The following VPS9D1 variants were observed in gnomAD, a reference collection of about 807,000 sequenced individuals.
VPS9D1 encodes VPS9 domain-containing protein 1.
In VPS9D1, 78 loss-of-function variants were observed where a neutral mutation model predicts 75.8. The observed-to-expected ratio is 1.03, with a 90% CI of 0.86 to 1.24. The LOEUF (loss-of-function observed/expected upper bound fraction) is 1.24. Among genes scored for constraint, VPS9D1 ranks in the 50% most tolerant of loss-of-function variants. VPS9D1 has a pLI of 0.00. For missense variants in VPS9D1, 1,057 were observed against 847.7 expected (o/e 1.25, Z -3.07); for synonymous variants, 481 against 385.6 (o/e 1.25, Z -2.90).
At chr16:89,715,454 C>T (rs910264809) in intron 4 of VPS9D1, among the ~76,000 whole-genome samples, 2 of 151,854 alleles carry the variant, frequency 1.3e-5, no homozygotes, top group African/African-American at 4.8e-5. Flanking sequence ...TCTCGATCTC[C>T]TGACCTCATG....
intron 7 of VPS9D1, 33 bp downstream of exon 7, chr16:89,712,014 C>A: frequency 3.2e-6 from 5 of 1,549,244 alleles, no homozygotes; most frequent in Non-Finnish European, 4.4e-6. Context: ...AGGCCCTCCC[C>A]GCAGCGGCCC....
chr16:89,712,279 G>C, intron 6 of VPS9D1, 180 bp from the exon 7 acceptor site: 1 of 1,317,752 alleles, frequency 7.6e-7, no homozygotes, highest in Non-Finnish European at 1.0e-6. Flanking sequence ...CCGGGCCAGA[G>C]AACATGGGGG....
intron 8 of VPS9D1, 48 bp from the exon 9 acceptor site, chr16:89,711,460 C>G: frequency 1.3e-6 from 2 of 1,521,724 alleles, no homozygotes; most frequent in Non-Finnish European, 1.8e-6. Context: ...TCCGCCACGA[C>G]CGGACGCGCC....
intron 9 of VPS9D1, 51 bp downstream of exon 9, chr16:89,711,276 G>A (rs1411036034): frequency 2.6e-6 from 4 of 1,549,694 alleles, no homozygotes; most frequent in Non-Finnish European, 3.5e-6. Flanking sequence ...CCAGGCAGAG[G>A]TGCCCAAGGC....
chr16:89,717,136 G>A (rs2061092370), intron 2 of VPS9D1, among the ~76,000 whole-genome samples: 1 of 132,068 alleles, frequency 7.6e-6, no homozygotes, highest in Non-Finnish European at 1.6e-5. Flanking sequence ...CTGACCCCGG[G>A]CAAGCCGACT....
At chr16:89,709,617 C>T (rs1020049108) in intron 11 of VPS9D1, among the ~76,000 whole-genome samples, 160 bp downstream of exon 11, 1 of 152,080 alleles carries the variant, frequency 6.6e-6, no homozygotes, top group Admixed American at 6.5e-5. Flanking sequence ...AACTGGAAGC[C>T]CCTGAGGATG....
chr16:89,710,290 C>T (rs2060885379), intron 10 of VPS9D1, among the ~76,000 whole-genome samples: 1 of 152,176 alleles, frequency 6.6e-6, no homozygotes, highest in African/African-American at 2.4e-5. Flanking sequence ...CTCAGTGGTT[C>T]TTAGAAAACT....
At chr16:89,708,831 C>A (rs763256466) in intron 13 of VPS9D1, 26 bp downstream of exon 13, 21 of 1,560,348 alleles carry the variant, frequency 1.3e-5, no homozygotes, top group Non-Finnish European at 1.6e-5. Context: ...TCCTCCCTGG[C>A]CACACCTCGC....
intron 10 of VPS9D1, 103 bp downstream of exon 10, chr16:89,710,483 G>A: frequency 7.8e-7 from 1 of 1,289,288 alleles, no homozygotes; most frequent in Non-Finnish European, 1.1e-6. Flanking sequence ...AGTCTGATCA[G>A]AGTCTCTGAT....
intron 4 of VPS9D1, among the ~76,000 whole-genome samples, 155 bp downstream of exon 4, chr16:89,716,307 C>T (rs927133249): frequency 4.6e-5 from 7 of 151,770 alleles, no homozygotes; most frequent in Admixed American, 1.3e-4. Flanking sequence ...TGGAGGTTGC[C>T]GTGAGCCAAG....
At chr16:89,720,471 G>A in intron 1 of VPS9D1, 1 of 1,093,428 alleles carries the variant, frequency 9.1e-7, no homozygotes, top group Non-Finnish European at 1.1e-6. Flanking sequence ...TTGGAAGGTG[G>A]CCTGGCGGAC....
intron 1 of VPS9D1, 74 bp downstream of exon 1, chr16:89,720,689 C>T: frequency 1.5e-6 from 2 of 1,311,446 alleles, no homozygotes; most frequent in Non-Finnish European, 1.9e-6. Flanking sequence ...CCGGCCCCGT[C>T]CTCGCCCTCC....
At chr16:89,719,519 TA>T in intron 1 of VPS9D1, 1 of 363,852 alleles carries the variant, frequency 2.7e-6, no homozygotes, top group African/African-American at 2.1e-5. Flanking sequence ...TTCAGTGGCT[TA>T]AAAAAATACT....
At position 89,716,800 on chromosome 16, in the gene VPS9D1, G is replaced by A. The variant is rs763487202; in HGVS notation, c.198C>T (p.Pro66=). 16 of 1,587,148 alleles carry A rather than the reference G, an allele frequency of 1.0e-5. No individual in the cohort carries two copies. The East Asian group carries it at 1.3e-4, about 13-fold the overall frequency. The part of the protein sequence containing the change: ...TTKEAGETVP[P]DTSKMLKLAQ... ...CTAGCTTCAGCATCTTGGAGGTGTCGGGGGGCACAGTTTCCCCAGCTTCTG... is the reference window on the plus strand; with the variant it reads ...CTAGCTTCAGCATCTTGGAGGTGTCAGGGGGCACAGTTTCCCCAGCTTCTG... Residue 66 remains proline, a synonymous_variant, in exon 3 of 15, where the codon CCC becomes CCT. Coordinates refer to ENST00000389386, the MANE Select transcript of VPS9D1 (RefSeq NM_004913.3).
Position 89,720,897 on chromosome 16 carries a change from G to A in VPS9D1, c.-36C>T, listed in dbSNP as rs2061247579. 2 of 1,294,768 alleles carry A rather than the reference G, an allele frequency of 1.5e-6. No homozygotes were observed. The highest frequency in any genetic ancestry group is 2.0e-6 in the Non-Finnish European group (2 of 1,021,482). 80.2% of individuals were successfully genotyped at this position (1,294,768 alleles called of 1,614,324 possible). A position where few individuals can be genotyped will look rare whatever the true frequency, so the allele number is the denominator to read the frequency against. ...GGGGGAGGCGGCGGCGGTAGCCGAG[G>A]GGCTGGACGGGCGACCGGAGGCCCG... is the stretch of plus-strand genomic sequence containing the variant. On this transcript the variant is annotated 5_prime_UTR_variant, in exon 1 of 15. Transcript: ENST00000389386.
intron 5 of VPS9D1, 27 bp downstream of exon 5, chr16:89,712,578 C>A: frequency 6.2e-7 from 1 of 1,608,534 alleles, no homozygotes; most frequent in Non-Finnish European, 8.5e-7. Context: ...CCCACGCACC[C>A]CCAGGCCCTC....
chr16:89,715,367 T>G (rs1204039399), intron 4 of VPS9D1, among the ~76,000 whole-genome samples: 1 of 149,504 alleles, frequency 6.7e-6, no homozygotes, highest in East Asian at 2.1e-4. Flanking sequence ...GCTGGGACTA[T>G]AGGTGCCCGC....
chr16:89,716,588 G>A lies in VPS9D1; in HGVS notation c.305C>T (p.Ala102Val). Residue 102 changes from alanine (A) to valine (V), a missense_variant, in exon 4 of 15, where the codon GCT (alanine) becomes GTT (valine). Ala to Val is a moderately conservative substitution (Grantham distance 64, BLOSUM62 0). Coordinates refer to ENST00000389386, the MANE Select transcript of VPS9D1 (RefSeq NM_004913.3). ...TRLKPTMPAA[A>V]PIPQPAGRHR... ...TCGGCCGGCAGGCTGGGGAATGGGA[G>A]CAGCTGCAGGCATGGTTGGCTTCAG... The A allele has an allele frequency of 2.5e-6, 4 of 1,613,830 alleles. No individual in the cohort carries two copies. Among genetic ancestry groups the A allele is most frequent in the Middle Eastern group, 1.7e-4 (1 of 6,056 alleles).
At chr16:89,720,377 C>T (rs1258879989) in intron 1 of VPS9D1, 15 of 986,618 alleles carry the variant, frequency 1.5e-5, no homozygotes, top group Admixed American at 1.2e-4. Context: ...TCTCTGCATG[C>T]CGTCCCCTGT....
Sources: gnomAD v4.1 joint callset for allele counts (sites outside exome capture counted in the v4.1 genomes callset) on GRCh38, gnomAD v4.1.1 for gene constraint, MANE v1.5 for transcripts, NCBI Gene and HGNC (gene_info 2026-07-23, HGNC 2026-07-21) for gene names.